Variants in MGAM2 observed in about 807,000 individuals in gnomAD.
The protein encoded by MGAM2 is probable maltase-glucoamylase 2.
MGAM2 carries 98 observed loss-of-function variants against 96.1 expected under a neutral mutation model. The observed-to-expected ratio is 1.02, with a 90% CI of 0.87 to 1.21. The LOEUF is 1.21. Among genes scored for constraint, MGAM2 ranks in the 50% most tolerant of loss-of-function variants. The pLI is 0.00. For synonymous variants in MGAM2, 749 were observed against 414.8 expected, an observed-to-expected ratio of 1.81 and a Z score of -9.79; for missense variants, 2,055 against 1,182.4, an observed-to-expected ratio of 1.74 and a Z score of -10.82.
At chr7:142,121,871 G>A (rs938278787) in intron 3 of MGAM2, among the ~76,000 whole-genome samples, 19 of 151,584 alleles carry the variant, frequency 1.3e-4, no homozygotes, top group African/African-American at 2.2e-4. Context: ...ATGTCTAATC[G>A]TATTGTCTAT....
chr7:142,155,766 A>G (rs957500326), intron 17 of MGAM2, among the ~76,000 whole-genome samples: 1 of 152,218 alleles, frequency 6.6e-6, no homozygotes, highest in African/African-American at 2.4e-5. Context: ...CCAGGAAGCT[A>G]GGTTTAAGCA....
chr7:142,153,959 A>G (rs977549435), intron 15 of MGAM2, 59 bp from the exon 16 acceptor site: 1 of 505,436 alleles, frequency 2.0e-6, no homozygotes, highest in Non-Finnish European at 3.6e-6. Flanking sequence ...TCTTATTGTA[A>G]GGTGAGTCCT....
At chr7:142,183,828 G>A (rs1796611765) in intron 33 of MGAM2, among the ~76,000 whole-genome samples, 1 of 151,498 alleles carries the variant, frequency 6.6e-6, no homozygotes, top group African/African-American at 2.4e-5. Flanking sequence ...ATCTTTATAT[G>A]TCTGATTTTT....
chr7:142,194,312 G>A (rs916636137), intron 37 of MGAM2, among the ~76,000 whole-genome samples: 7 of 152,186 alleles, frequency 4.6e-5, no homozygotes, highest in African/African-American at 7.2e-5. Flanking sequence ...GAATACAGGC[G>A]TGAGCCACTG....
At chr7:142,174,888 T>A (rs942866254) in intron 31 of MGAM2, among the ~76,000 whole-genome samples, 123 of 151,976 alleles carry the variant, frequency 8.1e-4, no homozygotes, top group African/African-American at 2.7e-3. Flanking sequence ...GCTAATTTTT[T>A]AAATATTTTT....
intron 46 of MGAM2, among the ~76,000 whole-genome samples, chr7:142,216,876 AT>A (rs1797776751): frequency 6.6e-6 from 1 of 152,138 alleles, no homozygotes; most frequent in African/African-American, 2.4e-5. Context: ...CTCCTTGATT[AT>A]TGCATGTAAT....
chr7:142,184,224 C>T (rs1172033571), intron 33 of MGAM2, among the ~76,000 whole-genome samples: 2 of 151,966 alleles, frequency 1.3e-5, no homozygotes, highest in East Asian at 1.9e-4. Context: ...CCACCTGCCT[C>T]GGCCTCCCAA....
At chr7:142,187,951 A>C in intron 36 of MGAM2, 117 bp downstream of exon 36, 1 of 608,824 alleles carries the variant, frequency 1.6e-6, no homozygotes, top group Non-Finnish European at 3.0e-6. Context: ...CCAACATGAC[A>C]TGAAATCCCA....
intron 36 of MGAM2, 101 bp downstream of exon 36, chr7:142,187,935 C>A: frequency 1.6e-6 from 1 of 621,820 alleles, no homozygotes; most frequent in Non-Finnish European, 2.9e-6. Context: ...AGACAGAAAC[C>A]ATTCTCCAAC....
In MGAM2 at chr7:142,220,009, C is replaced by T; in HGVS notation, c.5498C>T (p.Thr1833Ile). The change falls in exon 48 of 48, where the codon ACT becomes ATT. Residue 1833 changes from threonine (T) to isoleucine (I), a missense_variant. Thr to Ile is a moderately conservative substitution (Grantham distance 89, BLOSUM62 -1). Coordinates refer to ENST00000477922, the MANE Select transcript of MGAM2 (RefSeq NM_001293626.2). ...ATGAGTTCTCATCCTTCTCCATCTA[C>T]TACCAATGCCACCAGTTCTGAGACA... ...IPMSSHPSPS[T>I]TNATSSETIT... The T allele has an allele frequency of 1.4e-6, 1 of 702,924 alleles. No individual in the cohort carries two copies. Among genetic ancestry groups the T allele is most frequent in the South Asian group, 1.5e-5 (1 of 67,600 alleles). 43.5% of individuals were successfully genotyped at this position (702,924 alleles called of 1,614,324 possible).
chr7:142,171,778 C>T (rs1231562252), intron 28 of MGAM2, among the ~76,000 whole-genome samples: 4 of 150,616 alleles, frequency 2.7e-5, no homozygotes, highest in Non-Finnish European at 5.9e-5. Context: ...CTTATCTGTA[C>T]ATTTAATAAG....
chr7:142,219,047 CAG>C (rs1239918631), intron 47 of MGAM2, among the ~76,000 whole-genome samples: 1 of 152,108 alleles, frequency 6.6e-6, no homozygotes, highest in African/African-American at 2.4e-5. Flanking sequence ...GTTGATAAAA[CAG>C]GGGGACATAA....
At chr7:142,163,138 G>A (rs1325484562) in intron 23 of MGAM2, among the ~76,000 whole-genome samples, 1 of 152,112 alleles carries the variant, frequency 6.6e-6, no homozygotes, top group African/African-American at 2.4e-5. Context: ...ATTGCTGAGT[G>A]GTGTTCCAAG....
intron 37 of MGAM2, among the ~76,000 whole-genome samples, chr7:142,191,576 A>T (rs192766947): frequency 6.6e-6 from 1 of 151,750 alleles, no homozygotes; most frequent in East Asian, 1.9e-4. Flanking sequence ...TGCCTTCTCA[A>T]CTCTATTTCA....
intron 7 of MGAM2, among the ~76,000 whole-genome samples, chr7:142,135,778 C>T (rs1795041413): frequency 6.7e-6 from 1 of 148,884 alleles, no homozygotes; most frequent in Non-Finnish European, 1.5e-5. Context: ...GGTCAGTGCT[C>T]ATCACAGCTT....
rs1796660216 is a variant in MGAM2, at chr7:142,185,271, T to TATCCACTGCCAC, written c.3987+132_3987+133insATCCACTGCCAC. The TATCCACTGCCAC allele has an allele frequency of 1.6e-4, 85 of 535,368 alleles. No homozygotes were observed. The South Asian group carries it at 2.2e-3, about 14-fold the overall frequency. 33.2% of individuals were successfully genotyped at this position (535,368 alleles called of 1,614,324 possible). The stretch of plus-strand genomic sequence containing the variant: ...TTGAGGGTGCTTATCCACTGTTAGT[T>TATCCACTGCCAC]TCTTGGCAGAAAGAGATCCTCGAGT... On this transcript the variant is annotated intron_variant, in intron 34 of 47. Coordinates refer to ENST00000477922, the MANE Select transcript of MGAM2 (RefSeq NM_001293626.2).
At chr7:142,133,352 G>A (rs1044528699) in intron 6 of MGAM2, among the ~76,000 whole-genome samples, 1 of 148,030 alleles carries the variant, frequency 6.8e-6, no homozygotes, top group South Asian at 2.1e-4. Context: ...ATATACTTGT[G>A]GTTTACATAT....
intron 6 of MGAM2, among the ~76,000 whole-genome samples, chr7:142,132,513 T>A (rs1214543324): frequency 1.5e-5 from 2 of 137,118 alleles, no homozygotes; most frequent in African/African-American, 5.4e-5. Flanking sequence ...ATTATAAAAA[T>A]TTAAATGTAA....
At chr7:142,217,577 A>G (rs1055727654) in intron 46 of MGAM2, among the ~76,000 whole-genome samples, 1 of 152,148 alleles carries the variant, frequency 6.6e-6, no homozygotes, top group East Asian at 1.9e-4. Context: ...GTATGTCTTC[A>G]TGAAGTGTGT....
Sources: gnomAD v4.1 joint callset for allele counts (sites outside exome capture counted in the v4.1 genomes callset) on GRCh38, gnomAD v4.1.1 for gene constraint, MANE v1.5 for transcripts, NCBI Gene and HGNC (gene_info 2026-07-23, HGNC 2026-07-21) for gene names.